ST8SIA4: variants seen among roughly 807,000 people sequenced by gnomAD.
ST8SIA4 encodes ST8 alpha-N-acetyl-neuraminide alpha-2,8-sialyltransferase 4.
Under a neutral mutation model 33.9 loss-of-function variants are expected in ST8SIA4, and 15 were observed. That is an observed-to-expected ratio of 0.44 (90% CI 0.30 to 0.68). ST8SIA4 has a LOEUF of 0.68. Ranked by LOEUF, ST8SIA4 falls within the 30% of genes least tolerant of loss-of-function variation. The pLI is 0.10. For missense variants in ST8SIA4, 321 were observed against 428.0 expected (o/e 0.75, Z 2.21); for synonymous variants, 171 against 151.2 (o/e 1.13, Z -0.96).
intron 4 of ST8SIA4, among the ~76,000 whole-genome samples, chr5:100,854,957 CAAAT>C (rs1351459614): frequency 6.6e-6 from 1 of 152,170 alleles, no homozygotes; most frequent in African/African-American, 2.4e-5. Flanking sequence ...TTGTCCCTGT[CAAAT>C]AAATGTCTGC....
At chr5:100,865,048 G>T (rs115298358) in intron 3 of ST8SIA4, among the ~76,000 whole-genome samples, 9 of 152,084 alleles carry the variant, frequency 5.9e-5, no homozygotes, top group Admixed American at 5.9e-4. Flanking sequence ...CATAGTCCCC[G>T]AACAATGGTT....
chr5:100,854,977 C>T (rs1751783812), intron 4 of ST8SIA4, among the ~76,000 whole-genome samples: 1 of 152,174 alleles, frequency 6.6e-6, no homozygotes, highest in Non-Finnish European at 1.5e-5. Flanking sequence ...TCTGCAGTTA[C>T]AAGATTTCTT....
chr5:100,878,060 C>A (rs1248939012), intron 3 of ST8SIA4, among the ~76,000 whole-genome samples: 1 of 152,156 alleles, frequency 6.6e-6, no homozygotes, highest in Non-Finnish European at 1.5e-5. Context: ...AGACATAGCA[C>A]CTCATTTTTC....
intron 4 of ST8SIA4, among the ~76,000 whole-genome samples, chr5:100,820,247 G>A (rs927145289): frequency 1.1e-4 from 17 of 152,098 alleles, no homozygotes. Flanking sequence ...TATAGCAGTA[G>A]TCTAATCTTT....
In ST8SIA4 at chr5:100,809,157, T is replaced by C. The variant is rs1750753640; in HGVS notation, c.*2690A>G. On this transcript the variant is annotated 3_prime_UTR_variant, in exon 5 of 5. Coordinates refer to ENST00000231461, the MANE Select transcript of ST8SIA4 (RefSeq NM_005668.6). ...TGTTTAAATGTATTTACTGAAAATA[T>C]ACTAAAAATGGTCCGGCTGCGGTGG... is the stretch of plus-strand genomic sequence containing the variant. The C allele has an allele frequency of 6.6e-6, 1 of 152,452 alleles. No individual in the cohort carries two copies. Among genetic ancestry groups the C allele is most frequent in the Non-Finnish European group, 1.5e-5 (1 of 67,990 alleles). 9.4% of individuals were successfully genotyped at this position (152,452 alleles called of 1,614,324 possible). A position where few individuals can be genotyped will look rare whatever the true frequency, so the allele number is the denominator to read the frequency against.
chr5:100,891,895 G>A (rs936819324), intron 2 of ST8SIA4, among the ~76,000 whole-genome samples: 5 of 152,026 alleles, frequency 3.3e-5, no homozygotes, highest in Non-Finnish European at 7.4e-5. Flanking sequence ...GTAGAAGATA[G>A]TATAAACATT....
chr5:100,817,165 C>A (rs1049553401), intron 4 of ST8SIA4, among the ~76,000 whole-genome samples: 1 of 110,280 alleles, frequency 9.1e-6, no homozygotes, highest in Non-Finnish European at 1.7e-5. Context: ...GACTGGGTTT[C>A]ACCATGTTGG....
At chr5:100,850,427 A>G (rs971666557) in intron 4 of ST8SIA4, among the ~76,000 whole-genome samples, 1 of 151,910 alleles carries the variant, frequency 6.6e-6, no homozygotes, top group Admixed American at 6.6e-5. Flanking sequence ...TTGTTATAGT[A>G]GAATTTAAAA....
intron 3 of ST8SIA4, among the ~76,000 whole-genome samples, chr5:100,869,729 C>T (rs1225467658): frequency 6.6e-6 from 1 of 152,138 alleles, no homozygotes; most frequent in Non-Finnish European, 1.5e-5. Flanking sequence ...AGATTCCATG[C>T]AAATTCTTAA....
At chr5:100,876,466 A>G (rs929428509) in intron 3 of ST8SIA4, among the ~76,000 whole-genome samples, 16 of 152,084 alleles carry the variant, frequency 1.1e-4, no homozygotes, top group Non-Finnish European at 2.2e-4. Flanking sequence ...TTACAAGGAC[A>G]TTATCTTTTT....
At chr5:100,849,152 A>C (rs1334913206) in intron 4 of ST8SIA4, 9 of 984,536 alleles carry the variant, frequency 9.1e-6, no homozygotes, top group Non-Finnish European at 1.1e-5. Flanking sequence ...AGGATGTTTA[A>C]TTAAGGACAA....
At chr5:100,840,640 T>C (rs2112423530) in intron 4 of ST8SIA4, among the ~76,000 whole-genome samples, 1 of 151,896 alleles carries the variant, frequency 6.6e-6, no homozygotes, top group East Asian at 1.9e-4. Context: ...AACACACAAG[T>C]TACTGTAGAG....
chr5:100,834,749 GCT>G (rs1751332241), intron 4 of ST8SIA4, among the ~76,000 whole-genome samples: 1 of 151,990 alleles, frequency 6.6e-6, no homozygotes, highest in South Asian at 2.1e-4. Context: ...CCATCTCCCA[GCT>G]CTTTCTCTTG....
intron 3 of ST8SIA4, among the ~76,000 whole-genome samples, chr5:100,866,249 A>G (rs1338473624): frequency 6.6e-6 from 1 of 152,112 alleles, no homozygotes. Context: ...GATTCCTTAA[A>G]CATATCTATT....
intron 4 of ST8SIA4, among the ~76,000 whole-genome samples, chr5:100,849,982 AT>A (rs1454773666): frequency 1.3e-5 from 2 of 152,116 alleles, no homozygotes; most frequent in Non-Finnish European, 2.9e-5. Flanking sequence ...AAAAGACTAT[AT>A]TTTTTTAAGT....
chr5:100,899,036 G>A (rs148333049), intron 1 of ST8SIA4, among the ~76,000 whole-genome samples: 2 of 152,066 alleles, frequency 1.3e-5, no homozygotes, highest in Admixed American at 6.5e-5. Flanking sequence ...ATATTTCCAG[G>A]CTTCACCACA....
intron 4 of ST8SIA4, among the ~76,000 whole-genome samples, chr5:100,846,441 A>G (rs1312236726): frequency 6.6e-6 from 1 of 152,008 alleles, no homozygotes; most frequent in Non-Finnish European, 1.5e-5. Flanking sequence ...CTTTGCTATG[A>G]AAAAATTTAA....
At chr5:100,888,727 G>T (rs1752594636) in intron 2 of ST8SIA4, among the ~76,000 whole-genome samples, 1 of 152,000 alleles carries the variant, frequency 6.6e-6, no homozygotes, top group South Asian at 2.1e-4. Flanking sequence ...GATTAGCAAA[G>T]AAGGGAGGAA....
intron 4 of ST8SIA4, among the ~76,000 whole-genome samples, chr5:100,844,152 T>C (rs904557948): frequency 6.6e-6 from 1 of 151,902 alleles, no homozygotes; most frequent in Admixed American, 6.6e-5. Context: ...GCAAATACTT[T>C]ATAATTTTGC....
Sources: allele counts gnomAD v4.1 joint callset (sites outside exome capture counted in the v4.1 genomes callset), GRCh38; gene constraint gnomAD v4.1.1; transcripts MANE v1.5; gene names NCBI Gene and HGNC (gene_info 2026-07-23, HGNC 2026-07-21).